Variants in RALGAPA1 observed in about 807,000 individuals in gnomAD.
RALGAPA1 encodes Ral GTPase activating protein catalytic subunit alpha 1, also known as ral GTPase-activating protein subunit alpha-1.
In RALGAPA1, 52 loss-of-function variants were observed where a neutral mutation model predicts 269.6. The observed-to-expected ratio is 0.19, with a 90% CI of 0.15 to 0.24. The LOEUF is 0.24. RALGAPA1 is among the 10% of genes least tolerant of loss of function. The pLI is 1.00. For synonymous variants in RALGAPA1, 817 were observed against 1,008.3 expected (o/e 0.81, Z 3.60); for missense variants, 1,917 against 3,013.9 (o/e 0.64, Z 8.52).
chr14:35,570,050 AC>A (rs2057049914), intron 39 of RALGAPA1, among the ~76,000 whole-genome samples: 1 of 151,796 alleles, frequency 6.6e-6, no homozygotes, highest in Non-Finnish European at 1.5e-5. Context: ...CGGGCGGATC[AC>A]CCGAGGTCAG....
intron 31 of RALGAPA1, among the ~76,000 whole-genome samples, chr14:35,646,788 C>T (rs1387533153): frequency 6.6e-6 from 1 of 152,090 alleles, no homozygotes; most frequent in African/African-American, 2.4e-5. Flanking sequence ...AAGAGAATTG[C>T]TTGATTTTAG....
intron 29 of RALGAPA1, 44 bp downstream of exon 29, chr14:35,655,763 A>T: frequency 1.3e-6 from 2 of 1,579,332 alleles, no homozygotes; most frequent in Non-Finnish European, 1.7e-6. Context: ...AAAAATATGC[A>T]TTCTCTCCTA....
At chr14:35,737,778 A>AAAG (rs2071154758) in intron 12 of RALGAPA1, among the ~76,000 whole-genome samples, 7 of 140,174 alleles carry the variant, frequency 5.0e-5, no homozygotes, top group Admixed American at 1.4e-4. Context: ...AAAAAAAAAA[A>AAAG]AAAAAAAAAA....
intron 26 of RALGAPA1, among the ~76,000 whole-genome samples, chr14:35,665,362 A>G (rs970203639): frequency 2.0e-5 from 3 of 152,172 alleles, no homozygotes; most frequent in Non-Finnish European, 4.4e-5. Flanking sequence ...AACACTGAAC[A>G]TTTCTTTTTT....
intron 41 of RALGAPA1, chr14:35,542,527 T>C (rs1009017328): frequency 6.6e-6 from 1 of 152,272 alleles, no homozygotes; most frequent in Non-Finnish European, 1.5e-5. Context: ...TTCCTAACAA[T>C]TTAGCAAATT....
intron 37 of RALGAPA1, 190 bp from the exon 38 acceptor site, chr14:35,572,908 T>A: frequency 2.7e-6 from 1 of 370,886 alleles, no homozygotes. Context: ...CAATTTCAAT[T>A]GTCAATAATC....
chr14:35,652,842 C>T (rs2062932938), intron 30 of RALGAPA1, among the ~76,000 whole-genome samples: 1 of 151,946 alleles, frequency 6.6e-6, no homozygotes, highest in African/African-American at 2.4e-5. Context: ...ATCATTTACC[C>T]TGGAAATCAT....
At chr14:35,582,152 T>C (rs2057990327) in intron 37 of RALGAPA1, among the ~76,000 whole-genome samples, 1 of 152,180 alleles carries the variant, frequency 6.6e-6, no homozygotes. Flanking sequence ...ATTCCACTTA[T>C]TCGAGGTTCC....
At chr14:35,546,619 G>A (rs1284203821) in intron 41 of RALGAPA1, among the ~76,000 whole-genome samples, 1 of 151,806 alleles carries the variant, frequency 6.6e-6, no homozygotes, top group Non-Finnish European at 1.5e-5. Context: ...TATATACATA[G>A]GGTGTGCACA....
At chr14:35,708,954 A>G (rs1454075645) in intron 16 of RALGAPA1, among the ~76,000 whole-genome samples, 1 of 152,210 alleles carries the variant, frequency 6.6e-6, no homozygotes, top group Non-Finnish European at 1.5e-5. Flanking sequence ...TCATTATGTT[A>G]AGCAAAATAA....
At chr14:35,758,684 C>T (rs961895864) in intron 6 of RALGAPA1, among the ~76,000 whole-genome samples, 1 of 151,890 alleles carries the variant, frequency 6.6e-6, no homozygotes, top group Non-Finnish European at 1.5e-5. Context: ...GGCTACAGTG[C>T]ATTATGATCG....
intron 35 of RALGAPA1, among the ~76,000 whole-genome samples, chr14:35,624,550 C>T (rs937627133): frequency 5.3e-5 from 8 of 150,554 alleles, no homozygotes; most frequent in Admixed American, 1.3e-4. Context: ...TTTTTGAAGA[C>T]GATCCTGAAG....
At chr14:35,782,842 T>TA (rs1567221201) in intron 1 of RALGAPA1, among the ~76,000 whole-genome samples, 1 of 151,738 alleles carries the variant, frequency 6.6e-6, no homozygotes, top group African/African-American at 2.4e-5. Context: ...TTTTTTTTTT[T>TA]AAATGGAGTC....
chr14:35,546,884 G>GA (rs2054510083), intron 41 of RALGAPA1, among the ~76,000 whole-genome samples: 1 of 151,858 alleles, frequency 6.6e-6, no homozygotes, highest in Non-Finnish European at 1.5e-5. Flanking sequence ...GAGATAACTG[G>GA]AAAAAAATTA....
intron 16 of RALGAPA1, among the ~76,000 whole-genome samples, chr14:35,715,249 G>A (rs138500455): frequency 4.9e-4 from 75 of 151,884 alleles, no homozygotes; most frequent in African/African-American, 1.7e-3. Flanking sequence ...CACATTTCCC[G>A]TCTCAATGTC....
At chr14:35,726,646 A>G (rs1377379530) in intron 13 of RALGAPA1, among the ~76,000 whole-genome samples, 2 of 152,206 alleles carry the variant, frequency 1.3e-5, no homozygotes, top group East Asian at 3.8e-4. Context: ...AATGTAAAAT[A>G]TATGAAAAAC....
At chr14:35,654,920 C>T (rs2063076089) in intron 29 of RALGAPA1, among the ~76,000 whole-genome samples, 2 of 152,210 alleles carry the variant, frequency 1.3e-5, no homozygotes, top group African/African-American at 4.8e-5. Context: ...ATTTCACCCA[C>T]ACTTCAAACC....
At chr14:35,674,995 C>T (rs2064823105) in intron 22 of RALGAPA1, among the ~76,000 whole-genome samples, 1 of 152,064 alleles carries the variant, frequency 6.6e-6, no homozygotes, top group Admixed American at 6.6e-5. Flanking sequence ...ATAGAGAAAT[C>T]TGTTTGATAA....
At chr14:35,766,741 T>C (rs1236462465) in intron 4 of RALGAPA1, 1 of 535,410 alleles carries the variant, frequency 1.9e-6, no homozygotes, top group South Asian at 1.5e-5. Context: ...AGATGCCTCA[T>C]TGCTAATGAT....
Sources: allele counts gnomAD v4.1 joint callset (sites outside exome capture counted in the v4.1 genomes callset), GRCh38; gene constraint gnomAD v4.1.1; transcripts MANE v1.5; gene names NCBI Gene and HGNC (gene_info 2026-07-23, HGNC 2026-07-21).